Variants in ITGAV observed in about 807,000 individuals in gnomAD.
ITGAV encodes the protein integrin alpha-V.
In ITGAV, 76 loss-of-function variants were observed where a neutral mutation model predicts 143.8. The ratio of observed to expected loss-of-function variants is 0.53; its 90% CI spans 0.44 to 0.64. The LOEUF (loss-of-function observed/expected upper bound fraction) is 0.64. Among genes scored for constraint, ITGAV ranks in the 30% least tolerant of loss-of-function variants. The pLI is 0.00. For missense variants in ITGAV, 1,193 were observed against 1,274.7 expected (o/e 0.94, Z 0.98); for synonymous variants, 453 against 446.7 (o/e 1.01, Z -0.18).
intron 1 of ITGAV, among the ~76,000 whole-genome samples, chr2:186,593,461 G>GT (rs61142253): frequency 0.7 from 106,040 of 150,650 alleles, 37,524 homozygotes; most frequent in East Asian, 0.85. Context: ...TTCGCATTCT[G>GT]TTTTTTTTTC....
chr2:186,590,316 G>A lies in ITGAV; in HGVS notation c.-23G>A, dbSNP rs1207136230. On this transcript the variant is annotated 5_prime_UTR_variant, in exon 1 of 30. Coordinates refer to ENST00000261023, the MANE Select transcript of ITGAV (RefSeq NM_002210.5). ...GGGAGGTGGCTACCGCTCCCGGCTT[G>A]GCGTCCCGCGCGCACTTCGGCGATG... 1 of 1,547,730 alleles carries A rather than the reference G, an allele frequency of 6.5e-7. No individual in the cohort carries two copies. The highest frequency in any genetic ancestry group is 8.7e-7 in the Non-Finnish European group (1 of 1,151,040).
intron 1 of ITGAV, chr2:186,600,271 C>T (rs772068616): frequency 5.5e-6 from 8 of 1,461,024 alleles, no homozygotes; most frequent in South Asian, 1.2e-5. Flanking sequence ...CACATATTCC[C>T]TCCATCTCTT....
rs1369400391 is a variant in ITGAV at position 186,590,478 on chromosome 2, G to A, written c.140G>A (p.Ser47Asn). 6.2e-7 allele frequency: 1 copy of A among 1,611,714 alleles called. No individual in the cohort carries two copies. The highest frequency in any genetic ancestry group is 1.1e-5 in the South Asian group (1 of 90,868). Residue 47 changes from serine to asparagine, a missense_variant, in exon 1 of 30, where the codon AGT (serine) becomes AAT (asparagine). Transcript: ENST00000261023. ...GCCGAGTACTCTGGCCCCGAGGGAAGTTACTTCGGCTTCGCCGTGGATTTC... is the reference window on the plus strand; with the variant it reads ...GCCGAGTACTCTGGCCCCGAGGGAAATTACTTCGGCTTCGCCGTGGATTTC... ...SPAEYSGPEG[S>N]YFGFAVDFFV...
At chr2:186,676,767 A>G (rs1315255730) in intron 28 of ITGAV, 46 bp from the exon 29 acceptor site, 1 of 1,573,154 alleles carries the variant, frequency 6.4e-7, no homozygotes, top group Non-Finnish European at 8.6e-7. Flanking sequence ...TTTGTTGATT[A>G]AGTCAATGGA....
chr2:186,607,306 A>G (rs1044354775), intron 2 of ITGAV, among the ~76,000 whole-genome samples: 12 of 152,238 alleles, frequency 7.9e-5, no homozygotes, highest in Non-Finnish European at 1.8e-4. Flanking sequence ...AGCTGTAATT[A>G]TATGATGTGG....
chr2:186,592,870 T>C (rs1192333408), intron 1 of ITGAV, among the ~76,000 whole-genome samples: 1 of 152,162 alleles, frequency 6.6e-6, no homozygotes, highest in African/African-American at 2.4e-5. Context: ...AATTTTTTTC[T>C]TTTTTCTTTT....
chr2:186,669,029 C>G (rs1688990672), intron 25 of ITGAV, 109 bp downstream of exon 25: 3 of 1,002,010 alleles, frequency 3.0e-6, no homozygotes, highest in East Asian at 5.3e-5. Context: ...ATAAAACCCA[C>G]TCTGCAAAAA....
chr2:186,668,568 A>G (rs1688978580), intron 24 of ITGAV, 194 bp from the exon 25 acceptor site: 1 of 526,702 alleles, frequency 1.9e-6, no homozygotes, highest in Non-Finnish European at 3.4e-6. Context: ...GACACATATT[A>G]CTCTGTGTTA....
Position 186,668,817 on chromosome 2 carries a change from C to T in ITGAV, c.2489C>T (p.Pro830Leu). The T allele has an allele frequency of 6.2e-7, 1 of 1,613,556 alleles. No individual in the cohort carries two copies. The highest frequency in any genetic ancestry group is 8.5e-7 in the Non-Finnish European group (1 of 1,179,732). The change falls in exon 25 of 30, where the codon CCT becomes CTT. Residue 830 changes from proline (P) to leucine (L), a missense_variant. Transcript: ENST00000261023. ...AAGGCAATGCTCCATCTTCAGTGGC[C>T]TTACAAATATAATAATAACACTCTG... ...FSKAMLHLQWPYKYNNNTLLY... is the reference protein window; with the variant it reads ...FSKAMLHLQWLYKYNNNTLLY...
At chr2:186,607,612 A>G (rs1016234720) in intron 2 of ITGAV, among the ~76,000 whole-genome samples, 1 of 152,172 alleles carries the variant, frequency 6.6e-6, no homozygotes, top group African/African-American at 2.4e-5. Flanking sequence ...CTTTTTAACT[A>G]CTTGAGATTT....
chr2:186,629,913 A>G (rs935154979), intron 4 of ITGAV, among the ~76,000 whole-genome samples: 2 of 152,052 alleles, frequency 1.3e-5, no homozygotes, highest in African/African-American at 4.8e-5. Flanking sequence ...CTCATGATTA[A>G]AATTAATTTA....
intron 15 of ITGAV, among the ~76,000 whole-genome samples, chr2:186,653,240 C>A (rs991775771): frequency 6.6e-6 from 1 of 152,078 alleles, no homozygotes. Context: ...TAAGTTGTCT[C>A]GTGCTTTACT....
At chr2:186,605,614 C>T (rs1490980609) in intron 2 of ITGAV, among the ~76,000 whole-genome samples, 1 of 151,824 alleles carries the variant, frequency 6.6e-6, no homozygotes, top group Non-Finnish European at 1.5e-5. Context: ...TGCTGAGACT[C>T]CAGGGCCTAA....
rs1458699725 is a variant in ITGAV, at chr2:186,633,374, G to A, written c.631G>A (p.Gly211Ser). ...TGGTCCTGGTAGCTTTTATTGGCAA[G>A]GTAGGTTAATATTTTTTAAATTACA... Reference protein sequence around the residue: ...LGGPGSFYWQGQLISDQVAEI... With the variant: ...LGGPGSFYWQSQLISDQVAEI... The change falls in exon 6 of 30, where the codon GGT becomes AGT. Residue 211 changes from glycine (G) to serine (S), a missense_variant and splice_region_variant. Gly to Ser is a moderately conservative substitution (Grantham distance 56, BLOSUM62 0). Transcript: ENST00000261023. 1 of 1,571,982 alleles carries A rather than the reference G, an allele frequency of 6.4e-7. No individual in the cohort carries two copies. The highest frequency in any genetic ancestry group is 8.7e-7 in the Non-Finnish European group (1 of 1,149,374).
intron 6 of ITGAV, among the ~76,000 whole-genome samples, chr2:186,634,313 A>G (rs1169417921): frequency 6.6e-6 from 1 of 152,158 alleles, no homozygotes; most frequent in Non-Finnish European, 1.5e-5. Flanking sequence ...AGTGCCATTT[A>G]TGAGGTGAAC....
At chr2:186,636,973 C>T in intron 7 of ITGAV, 92 bp from the exon 8 acceptor site, 1 of 1,033,768 alleles carries the variant, frequency 9.7e-7, no homozygotes, top group East Asian at 2.4e-5. Flanking sequence ...AAAGGAGTTT[C>T]TTGAAAATAT....
At chr2:186,627,295 A>C (rs1687700857) in intron 4 of ITGAV, among the ~76,000 whole-genome samples, 1 of 152,216 alleles carries the variant, frequency 6.6e-6, no homozygotes, top group Non-Finnish European at 1.5e-5. Flanking sequence ...GATGTTCTGA[A>C]TGGTCAAATG....
intron 2 of ITGAV, among the ~76,000 whole-genome samples, chr2:186,616,896 A>T (rs936837190): frequency 1.8e-4 from 27 of 152,004 alleles, no homozygotes; most frequent in African/African-American, 5.5e-4. Flanking sequence ...TTTATTGGAT[A>T]TTTTTTTTCA....
intron 2 of ITGAV, among the ~76,000 whole-genome samples, chr2:186,617,361 G>A (rs1687393195): frequency 6.6e-6 from 1 of 152,180 alleles, no homozygotes; most frequent in Non-Finnish European, 1.5e-5. Flanking sequence ...TGTTGACAAT[G>A]CCTTTGGAAA....
Sources: gnomAD v4.1 joint callset for allele counts (sites outside exome capture counted in the v4.1 genomes callset) on GRCh38, gnomAD v4.1.1 for gene constraint, MANE v1.5 for transcripts, NCBI Gene and HGNC (gene_info 2026-07-23, HGNC 2026-07-21) for gene names.